Variants in GPLD1 observed in about 807,000 individuals in gnomAD.
The protein encoded by GPLD1 is glycosylphosphatidylinositol specific phospholipase D1, also known as phosphatidylinositol-glycan-specific phospholipase D.
GPLD1 carries 84 observed loss-of-function variants against 112.6 expected under a neutral mutation model. That is an observed-to-expected ratio of 0.75 (90% CI 0.63 to 0.89). The LOEUF (loss-of-function observed/expected upper bound fraction) is 0.89. Ranked by LOEUF, GPLD1 falls within the 40% of genes least tolerant of loss-of-function variation. The probability of loss-of-function intolerance (pLI) is 0.00; values close to 1 mark genes in which losing one functional copy is unlikely to be tolerated. For missense variants in GPLD1, 1,044 were observed against 1,051.5 expected (o/e 0.99, Z 0.10); for synonymous variants, 386 against 403.8 (o/e 0.96, Z 0.53).
intron 20 of GPLD1, among the ~76,000 whole-genome samples, chr6:24,442,536 C>T (rs900270637): frequency 1.7e-4 from 25 of 143,490 alleles, no homozygotes; most frequent in African/African-American, 2.4e-4. Context: ...GCTCTGGCTC[C>T]GGGATTCACG....
At chr6:24,466,867 G>A (rs1225073860) in intron 9 of GPLD1, 45 bp downstream of exon 9, 1 of 1,592,502 alleles carries the variant, frequency 6.3e-7, no homozygotes, top group Non-Finnish European at 8.6e-7. Context: ...TACTATTCCT[G>A]GTATCTTTAT....
intron 13 of GPLD1, among the ~76,000 whole-genome samples, chr6:24,454,967 A>T (rs991232637): frequency 6.6e-6 from 1 of 152,256 alleles, no homozygotes; most frequent in African/African-American, 2.4e-5. Flanking sequence ...TGTCTCTACT[A>T]AAAATACAAA....
chr6:24,456,021 A>T (rs1197601748), intron 13 of GPLD1, among the ~76,000 whole-genome samples: 1 of 152,160 alleles, frequency 6.6e-6, no homozygotes, highest in Non-Finnish European at 1.5e-5. Flanking sequence ...GTACAGAAAA[A>T]AAAATTTTTT....
chr6:24,489,282 C>T, intron 1 of GPLD1, 133 bp downstream of exon 1: 1 of 655,878 alleles, frequency 1.5e-6, no homozygotes, highest in Non-Finnish European at 2.7e-6. Context: ...CTTCTCCTCC[C>T]TGCTGTCAGG....
chr6:24,432,514 T>C (rs936873448), intron 24 of GPLD1, among the ~76,000 whole-genome samples: 2 of 151,882 alleles, frequency 1.3e-5, no homozygotes, highest in Admixed American at 1.3e-4. Flanking sequence ...GGCAGGAAAA[T>C]CACTTGAACC....
intron 20 of GPLD1, among the ~76,000 whole-genome samples, chr6:24,437,919 C>CT (rs1762630837): frequency 6.6e-6 from 1 of 152,190 alleles, no homozygotes; most frequent in Admixed American, 6.5e-5. Context: ...GAAGAGGCCG[C>CT]TTCCCTGTGC....
chr6:24,447,099 G>C, intron 17 of GPLD1, 120 bp from the exon 18 acceptor site: 1 of 805,824 alleles, frequency 1.2e-6, no homozygotes, highest in Non-Finnish European at 2.0e-6. Context: ...GTTTTTGCCA[G>C]AGGTCTTATA....
chr6:24,466,592 T>C (rs1763624648), intron 10 of GPLD1, 88 bp downstream of exon 10: 9 of 1,020,422 alleles, frequency 8.8e-6, no homozygotes, highest in Non-Finnish European at 1.3e-5. Context: ...TGTTTTTATG[T>C]GATCAGTTGA....
intron 4 of GPLD1, 86 bp downstream of exon 4, chr6:24,476,095 G>A (rs992236330): frequency 4.5e-5 from 32 of 709,564 alleles, no homozygotes; most frequent in East Asian, 1.1e-4. Flanking sequence ...CTTACAGAGC[G>A]GTACAAATGG....
At chr6:24,435,634 G>A (rs1245086496) in intron 22 of GPLD1, among the ~76,000 whole-genome samples, 1 of 150,448 alleles carries the variant, frequency 6.6e-6, no homozygotes, top group African/African-American at 2.4e-5. Context: ...TCCCAGCCTG[G>A]CCGACATGGT....
intron 20 of GPLD1, among the ~76,000 whole-genome samples, chr6:24,444,401 GT>G (rs1204053259): frequency 2.2e-3 from 325 of 146,748 alleles, no homozygotes; most frequent in Non-Finnish European, 3.6e-3. Context: ...GGTAAGGGGT[GT>G]TTTTTTTTTC....
upstream of GPLD1, among the ~76,000 whole-genome samples, chr6:24,491,470 G>A (rs1266990988): frequency 6.6e-6 from 1 of 152,176 alleles, no homozygotes; most frequent in African/African-American, 2.4e-5. Context: ...AGGCCAAGGC[G>A]GGCAGATGGC....
chr6:24,494,788 A>G, intron 1 of GPLD1: 1 of 484,564 alleles, frequency 2.1e-6, no homozygotes, highest in Non-Finnish European at 3.2e-6. Context: ...CGCGGCGCTT[A>G]GGGCAAGGTG....
intron 2 of GPLD1, among the ~76,000 whole-genome samples, chr6:24,485,316 T>C (rs1270826426): frequency 6.6e-6 from 1 of 152,148 alleles, no homozygotes; most frequent in African/African-American, 2.4e-5. Flanking sequence ...GGTGGAAGGA[T>C]TGCTTGAGCC....
chr6:24,425,658 G>A (rs1357146123), downstream of GPLD1: 2 of 152,168 alleles, frequency 1.3e-5, no homozygotes, highest in East Asian at 1.9e-4. Flanking sequence ...TTGAAAGTAG[G>A]TACCAAACAC....
intron 20 of GPLD1, among the ~76,000 whole-genome samples, chr6:24,441,049 TC>T (rs1442940760): frequency 5.3e-5 from 8 of 152,030 alleles, no homozygotes; most frequent in Non-Finnish European, 8.8e-5. Context: ...ACGCCTGTAA[TC>T]CCAGCACTGT....
rs114936228 is a variant in GPLD1 at position 24,471,811 on chromosome 6, C to A, written c.545+771G>T. On this transcript the variant is annotated intron_variant, in intron 7 of 24. Coordinates refer to ENST00000230036, the MANE Select transcript of GPLD1 (RefSeq NM_001503.4). ...CATAGCTCACTGAAGCCTCAAACTC[C>A]TGTGCTCAAGTGATCCTCCCACCTC... Among the ~76,000 whole-genome samples, 977 of 152,286 alleles carry A rather than the reference C, an allele frequency of 6.4e-3. 12 individuals carry two copies. The highest frequency in any genetic ancestry group is 0.022 in the African/African-American group (914 of 41,568).
At chr6:24,435,568 T>A (rs921445523) in intron 22 of GPLD1, among the ~76,000 whole-genome samples, 2 of 151,906 alleles carry the variant, frequency 1.3e-5, no homozygotes, top group Admixed American at 6.6e-5. Context: ...TTAAATTTTT[T>A]AAAATAGGTG....
At chr6:24,467,310 T>C in intron 7 of GPLD1, 36 bp from the exon 8 acceptor site, 1 of 1,129,960 alleles carries the variant, frequency 8.8e-7, no homozygotes, top group East Asian at 2.3e-5. Flanking sequence ...GTTGTTTTGA[T>C]TCTGAAGCTG....
Sources: gnomAD v4.1 joint callset for allele counts (sites outside exome capture counted in the v4.1 genomes callset) on GRCh38, gnomAD v4.1.1 for gene constraint, MANE v1.5 for transcripts, NCBI Gene and HGNC (gene_info 2026-07-23, HGNC 2026-07-21) for gene names.